The following FAM20C variants were observed in gnomAD, a reference collection of about 807,000 sequenced individuals.
The protein encoded by FAM20C is FAM20C golgi associated secretory pathway kinase, also known as extracellular serine/threonine protein kinase FAM20C.
A neutral mutation model predicts 51.5 loss-of-function variants in FAM20C; 40 were observed. That is an observed-to-expected ratio of 0.78 (90% confidence interval 0.60 to 1.01). The LOEUF is 1.01. Ranked by LOEUF, FAM20C falls within the 50% of genes least tolerant of loss-of-function variation. FAM20C has a pLI of 0.00. For synonymous variants in FAM20C, 406 were observed against 380.6 expected (o/e 1.07, Z -0.78); for missense variants, 861 against 844.7 (o/e 1.02, Z -0.24).
At chr7:223,044 C>CAA (rs71016861) in intron 3 of FAM20C, among the ~76,000 whole-genome samples, 8 of 151,808 alleles carry the variant, frequency 5.3e-5, no homozygotes, top group Non-Finnish European at 1.5e-5. Flanking sequence ...TATGTGAGGG[C>CAA]GTGTGTGTGC....
At chr7:241,594 G>C (rs909896888) in intron 3 of FAM20C, among the ~76,000 whole-genome samples, 2 of 151,944 alleles carry the variant, frequency 1.3e-5, no homozygotes, top group Admixed American at 6.5e-5. Context: ...TCCTGCGAGT[G>C]TGCATATATG....
intron 2 of FAM20C, among the ~76,000 whole-genome samples, chr7:208,430 G>A (rs1173970687): frequency 6.8e-6 from 1 of 147,368 alleles, no homozygotes; most frequent in East Asian, 2.0e-4. Context: ...GGGTGTATAC[G>A]TGTGTGTCCA....
chr7:249,557 G>A (rs1191160990), intron 5 of FAM20C, among the ~76,000 whole-genome samples: 4 of 152,178 alleles, frequency 2.6e-5, no homozygotes, highest in Middle Eastern at 3.2e-3. Flanking sequence ...ACTGGGCAAC[G>A]TGGTGAGACC....
At chr7:195,263 G>A (rs1476250076) in intron 1 of FAM20C, 7 of 341,666 alleles carry the variant, frequency 2.0e-5, no homozygotes, top group Non-Finnish European at 3.7e-5. Context: ...GGGGATGGCA[G>A]GGCAGCGCTG....
chr7:227,554 A>G (rs1034766547), intron 3 of FAM20C: 1 of 118,972 alleles, frequency 8.4e-6, no homozygotes, highest in African/African-American at 3.3e-5. Flanking sequence ...ATCCTGGTTT[A>G]GTAGTTAGTA....
At chr7:242,653 C>G (rs538388990) in intron 3 of FAM20C, among the ~76,000 whole-genome samples, 1 of 152,184 alleles carries the variant, frequency 6.6e-6, no homozygotes, top group Non-Finnish European at 1.5e-5. Context: ...ACACCACTAG[C>G]CAGGTGTGCC....
chr7:242,376 C>A (rs1236461286), intron 3 of FAM20C, among the ~76,000 whole-genome samples: 9 of 151,636 alleles, frequency 5.9e-5, no homozygotes, highest in Non-Finnish European at 1.3e-4. Context: ...GGGCAAGGGG[C>A]GTCCGCAGGA....
chr7:214,815 C>G (rs998799862), intron 3 of FAM20C, among the ~76,000 whole-genome samples: 1 of 152,186 alleles, frequency 6.6e-6, no homozygotes, highest in African/African-American at 2.4e-5. Flanking sequence ...GCTACAAATT[C>G]CATCTTGCGT....
rs1788832126 is a variant in FAM20C, at chr7:260,374, C to G, written c.*394C>G. 1 of 161,442 alleles carries G rather than the reference C, an allele frequency of 6.2e-6. No individual in the cohort carries two copies. Among genetic ancestry groups the G allele is most frequent in the African/African-American group, 2.4e-5 (1 of 41,858 alleles). 10.0% of individuals were successfully genotyped at this position (161,442 alleles called of 1,614,324 possible). On this transcript the variant is annotated 3_prime_UTR_variant, in exon 10 of 10. Transcript: ENST00000313766. ...ACCGCCCTCCCTGGTTCTGGGGGCC[C>G]CTCAAGGCCAAGCTCACCCCTCAAG... is the stretch of plus-strand genomic sequence containing the variant.
Position 260,166 on chromosome 7 carries a change from G to A in FAM20C, c.*186G>A. The stretch of plus-strand genomic sequence containing the variant: ...GACACATTTTGTCAGTGTTTGACCA[G>A]AAAAGCTTGGGAAGGAAGCGCTGTC... On this transcript the variant is annotated 3_prime_UTR_variant, in exon 10 of 10. Transcript: ENST00000313766. 2 of 851,290 alleles carry A rather than the reference G, an allele frequency of 2.3e-6. No homozygotes were observed. Among genetic ancestry groups the A allele is most frequent in the South Asian group, 5.6e-5 (2 of 35,936 alleles). The allele number at this position is 851,290 out of a possible 1,614,324, so 52.7% of individuals were successfully genotyped here.
chr7:193,336 G>C lies in FAM20C; in HGVS notation c.137G>C (p.Cys46Ser). 8.2e-6 allele frequency: 11 copies of C among 1,334,766 alleles called. No homozygotes were observed. Among genetic ancestry groups the C allele is most frequent in the Non-Finnish European group, 1.1e-5 (11 of 1,036,012 alleles). 82.7% of individuals were successfully genotyped at this position (1,334,766 alleles called of 1,614,324 possible). Residue 46 changes from cysteine (C) to serine (S), a missense_variant, in exon 1 of 10, where the codon TGT (cysteine) becomes TCT (serine). Physicochemically the swap from Cys to Ser is moderately radical, Grantham distance 112 (BLOSUM62 -1). Coordinates refer to ENST00000313766, the MANE Select transcript of FAM20C (RefSeq NM_020223.4). The part of the protein sequence containing the change: ...RGARPSGEPG[C>S]SCAQPAAEVA... ...GCGCGGCCCTCGGGGGAGCCCGGCT[G>C]TTCGTGCGCGCAGCCCGCCGCCGAG...
intron 5 of FAM20C, among the ~76,000 whole-genome samples, chr7:251,893 A>C (rs1178233633): frequency 6.6e-6 from 1 of 152,022 alleles, no homozygotes; most frequent in African/African-American, 2.4e-5. Flanking sequence ...GAGTCCTTGA[A>C]TCTCCCAGAG....
chr7:233,742 G>A (rs1222458005), intron 3 of FAM20C, among the ~76,000 whole-genome samples: 5 of 152,206 alleles, frequency 3.3e-5, no homozygotes, highest in South Asian at 2.1e-4. Context: ...CCCGCCACGC[G>A]AGGCAGCAGT....
intron 2 of FAM20C, among the ~76,000 whole-genome samples, chr7:205,721 C>A (rs1355105564): frequency 1.3e-5 from 2 of 152,148 alleles, no homozygotes; most frequent in African/African-American, 4.8e-5. Context: ...CCCTTGTGCC[C>A]AAGTGAAGCC....
At chr7:200,444 T>A (rs1444894898) in intron 2 of FAM20C, among the ~76,000 whole-genome samples, 1 of 152,140 alleles carries the variant, frequency 6.6e-6, no homozygotes, top group Non-Finnish European at 1.5e-5. Context: ...CGCACTCAAC[T>A]CCCTTCCCAG....
At chr7:194,803 G>C (rs998908295) in intron 1 of FAM20C, among the ~76,000 whole-genome samples, 1 of 148,826 alleles carries the variant, frequency 6.7e-6, no homozygotes, top group African/African-American at 2.5e-5. Context: ...TCCACCGCAG[G>C]ACAGAGCTTC....
At chr7:259,637 C>A (rs1032397820) in intron 9 of FAM20C, 94 bp from the exon 10 acceptor site, 9 of 1,248,760 alleles carry the variant, frequency 7.2e-6, no homozygotes, top group Middle Eastern at 2.1e-4. Context: ...TCTCTCCCCC[C>A]ACTCTCTCGA....
Position 193,580 on chromosome 7 carries a change from C to G in FAM20C, c.381C>G (p.Gly127=). The change falls in exon 1 of 10, where the codon GGC becomes GGG. Residue 127 remains glycine (G), a synonymous_variant. Transcript: ENST00000313766. ...AERALRGRDP[G]ALRPHDPAHR... is the part of the protein sequence containing the mutation. ...GCGCCTTGCGGGGGCGGGATCCCGG[C>G]GCCCTAAGACCCCACGACCCCGCGC... The G allele has an allele frequency of 4.0e-6, 6 of 1,495,014 alleles. No homozygotes were observed. The highest frequency in any genetic ancestry group is 5.4e-6 in the Non-Finnish European group (6 of 1,120,984). 92.6% of individuals were successfully genotyped at this position (1,495,014 alleles called of 1,614,324 possible).
Position 193,079 on chromosome 7 carries a change from C to A in FAM20C, c.-121C>A. ...CCCGGGCCCGGGGACAGCCCCGGAG[C>A]TGGTAGCCGCCCGGCACCGATGGAC... On this transcript the variant is annotated 5_prime_UTR_variant, in exon 1 of 10. The change creates a new upstream start codon in the 5' untranslated region. Transcript: ENST00000313766. 1 of 856,346 alleles carries A rather than the reference C, an allele frequency of 1.2e-6. No individual in the cohort carries two copies. The highest frequency in any genetic ancestry group is 1.5e-6 in the Non-Finnish European group (1 of 653,702). The allele number at this position is 856,346 out of a possible 1,614,324, so 53.0% of individuals were successfully genotyped here. A position where few individuals can be genotyped will look rare whatever the true frequency, so the allele number is the denominator to read the frequency against.
Sources: allele counts gnomAD v4.1 joint callset (sites outside exome capture counted in the v4.1 genomes callset), GRCh38; gene constraint gnomAD v4.1.1; transcripts MANE v1.5; gene names NCBI Gene and HGNC (gene_info 2026-07-23, HGNC 2026-07-21).